The following RARB variants were observed in gnomAD, a reference collection of about 807,000 sequenced individuals.
The protein encoded by RARB is HBV-activated protein.
RARB carries 17 observed loss-of-function variants against 51.9 expected under a neutral mutation model. The observed-to-expected ratio is 0.33, with a 90% CI of 0.22 to 0.49. The LOEUF (loss-of-function observed/expected upper bound fraction) is 0.49. Ranked by LOEUF, RARB falls within the 20% of genes least tolerant of loss-of-function variation. RARB has a pLI of 0.99. For synonymous variants in RARB, 215 were observed against 195.4 expected (o/e 1.10, Z -0.84); for missense variants, 369 against 550.8 (o/e 0.67, Z 3.30).
chr3:25,298,188 T>C (rs1410714834), intron 5 of RARB, among the ~76,000 whole-genome samples: 1 of 151,192 alleles, frequency 6.6e-6, no homozygotes, highest in Non-Finnish European at 1.5e-5. Flanking sequence ...CCAAATCTTT[T>C]TTTTTTTTTT....
chr3:24,950,725 AAAG>A, intron 2 of RARB, among the ~76,000 whole-genome samples: 1 of 111,764 alleles, frequency 8.9e-6, no homozygotes, highest in African/African-American at 4.4e-5. Flanking sequence ...AAAAAAAAAA[AAAG>A]GTGATTTGGC....
At chr3:25,481,996 A>G (rs893101587) in intron 2 of RARB, among the ~76,000 whole-genome samples, 2 of 152,096 alleles carry the variant, frequency 1.3e-5, no homozygotes, top group African/African-American at 4.8e-5. Context: ...GTCTGAGATC[A>G]CACAGCTAAT....
At chr3:25,181,621 G>A (rs1042163397) in intron 5 of RARB, among the ~76,000 whole-genome samples, 2 of 152,234 alleles carry the variant, frequency 1.3e-5, no homozygotes, top group East Asian at 1.9e-4. Flanking sequence ...GTCCCACCAG[G>A]CATTCCTGTT....
At chr3:25,079,994 G>C (rs1698961383) in intron 3 of RARB, among the ~76,000 whole-genome samples, 1 of 152,166 alleles carries the variant, frequency 6.6e-6, no homozygotes, top group South Asian at 2.1e-4. Flanking sequence ...GTACAATTCA[G>C]TGGCATTGAT....
intron 3 of RARB, among the ~76,000 whole-genome samples, chr3:25,567,369 G>T (rs1376209962): frequency 4.0e-5 from 6 of 150,656 alleles, no homozygotes; most frequent in Non-Finnish European, 7.4e-5. Context: ...GGATTGGCCT[G>T]TTCTGGACAT....
intron 5 of RARB, among the ~76,000 whole-genome samples, chr3:25,212,338 G>C (rs1049397983): frequency 2.6e-5 from 4 of 152,138 alleles, no homozygotes; most frequent in African/African-American, 9.7e-5. Flanking sequence ...AAGTGTACTT[G>C]GCTGGGTACA....
At chr3:25,142,636 A>G (rs1195849610) in intron 4 of RARB, among the ~76,000 whole-genome samples, 2 of 150,548 alleles carry the variant, frequency 1.3e-5, no homozygotes, top group Admixed American at 1.3e-4. Flanking sequence ...ATCTGAGAGC[A>G]TGGCCGTTTG....
At chr3:25,082,193 G>A (rs1398841753) in intron 3 of RARB, among the ~76,000 whole-genome samples, 1 of 151,812 alleles carries the variant, frequency 6.6e-6, no homozygotes, top group Non-Finnish European at 1.5e-5. Flanking sequence ...GTGTAGAAGT[G>A]GAACTTACCT....
chr3:25,044,198 C>T (rs1680595316), intron 2 of RARB, among the ~76,000 whole-genome samples: 1 of 152,192 alleles, frequency 6.6e-6, no homozygotes, highest in African/African-American at 2.4e-5. Context: ...AAATGCCTCA[C>T]ATTTTCCTTT....
At chr3:24,891,254 G>A (rs138961283) in intron 2 of RARB, among the ~76,000 whole-genome samples, 1 of 152,138 alleles carries the variant, frequency 6.6e-6, no homozygotes, top group East Asian at 1.9e-4. Context: ...TCCAAACTAG[G>A]CTATGAGTCT....
At chr3:25,365,255 G>GAATAC (rs1430106080) in intron 5 of RARB, among the ~76,000 whole-genome samples, 1 of 123,926 alleles carries the variant, frequency 8.1e-6, no homozygotes, top group East Asian at 2.7e-4. Flanking sequence ...TTCTAGCCAG[G>GAATAC]AATACAGGTG....
In RARB at chr3:25,111,450, G is replaced by A. The variant is rs183415502; in HGVS notation, c.-327-20711G>A. ...AAATTTCTCTCTTACTAGCAGCCTA[G>A]CAAAACTGATTTAAAATCATTTCTG... On this transcript the variant is annotated intron_variant, in intron 3 of 11. Coordinates refer to the RARB transcript ENST00000383772. 3.8e-3 allele frequency among the ~76,000 whole-genome samples: 572 copies of A among 152,120 alleles called. 9 individuals are homozygous for A. Among genetic ancestry groups the A allele is most frequent in the Non-Finnish European group, 1.1e-3 (75 of 68,000 alleles).
At position 25,380,296 on chromosome 3, in the gene RARB, C is replaced by G. The variant is rs1310925391; in HGVS notation, c.179-80897C>G. 3.9e-5 allele frequency among the ~76,000 whole-genome samples: 6 copies of G among 152,174 alleles called. No individual in the cohort carries two copies. The East Asian group carries it at 1.2e-3, about 29-fold the overall frequency. ...AGCTGACATCGTCCATCCTCTTTCCCACTCCGTACCCGTTGGGTGAACCCA... is the reference window on the plus strand; with the variant it reads ...AGCTGACATCGTCCATCCTCTTTCCGACTCCGTACCCGTTGGGTGAACCCA... On this transcript the variant is annotated intron_variant, in intron 5 of 11. Transcript: ENST00000383772.
chr3:25,276,223 G>A (rs1393242643), intron 5 of RARB, among the ~76,000 whole-genome samples: 1 of 152,082 alleles, frequency 6.6e-6, no homozygotes, highest in Non-Finnish European at 1.5e-5. Flanking sequence ...TTATCTCTGT[G>A]GTTTTGATTT....
At chr3:25,101,938 C>T (rs571457887) in intron 3 of RARB, among the ~76,000 whole-genome samples, 19 of 152,176 alleles carry the variant, frequency 1.2e-4, no homozygotes, top group Non-Finnish European at 2.5e-4. Flanking sequence ...TAAAATAATT[C>T]AGAGTAAAGG....
chr3:24,913,128 C>G (rs1262903495), intron 2 of RARB, among the ~76,000 whole-genome samples: 3 of 151,354 alleles, frequency 2.0e-5, no homozygotes, highest in African/African-American at 7.3e-5. Context: ...CTACAGGCAC[C>G]CGCCACCACG....
chr3:25,203,415 C>T lies in RARB; in HGVS notation c.178+28840C>T, dbSNP rs549394552. Among the ~76,000 whole-genome samples the T allele has an allele frequency of 2.6e-5, 4 of 152,278 alleles. No individual in the cohort carries two copies. The East Asian group carries it at 7.7e-4, about 29-fold the overall frequency. ...GCCAGTCTGTGTCTTTTAATTGGAG[C>T]ATTTAGCCCATTTACATTTAAGGTT... On this transcript the variant is annotated intron_variant, in intron 5 of 11. Coordinates refer to the RARB transcript ENST00000383772.
chr3:25,442,201 T>C (rs1341520523), intron 1 of RARB, among the ~76,000 whole-genome samples: 1 of 152,106 alleles, frequency 6.6e-6, no homozygotes, highest in Non-Finnish European at 1.5e-5. Context: ...AGTGGTGCTA[T>C]CTCGGCTCAC....
At chr3:25,238,064 A>G (rs550292748) in intron 5 of RARB, among the ~76,000 whole-genome samples, 56 of 152,226 alleles carry the variant, frequency 3.7e-4, no homozygotes, top group African/African-American at 1.3e-3. Context: ...CATTGCTGTT[A>G]CCTTCTTCTG....
Sources: allele counts gnomAD v4.1 joint callset (sites outside exome capture counted in the v4.1 genomes callset), GRCh38; gene constraint gnomAD v4.1.1; transcripts MANE v1.5; gene names NCBI Gene and HGNC (gene_info 2026-07-23, HGNC 2026-07-21).